Variants in KCNJ6 observed in about 807,000 individuals in gnomAD.
The protein encoded by KCNJ6 is G protein-activated inward rectifier potassium channel 2.
In KCNJ6, 9 loss-of-function variants were observed where a neutral mutation model predicts 34.2. The ratio of observed to expected loss-of-function variants is 0.26; its 90% CI spans 0.16 to 0.46. The LOEUF (loss-of-function observed/expected upper bound fraction) is 0.46. Ranked by LOEUF, KCNJ6 falls within the 20% of genes least tolerant of loss-of-function variation. The pLI is 1.00. For synonymous variants in KCNJ6, 196 were observed against 207.1 expected, an observed-to-expected ratio of 0.95 and a Z score of 0.46; for missense variants, 236 against 531.3, an observed-to-expected ratio of 0.44 and a Z score of 5.46.
Position 37,746,220 on chromosome 21 carries a change from G to GGGAAT in KCNJ6, c.26-31094_26-31090dup, listed in dbSNP as rs1471569519. ...GAACATAACTCAGTCCATAGCAGAT[G>GGGAAT]GGAATGGGGAGATGGTGGACTAACT... On this transcript the variant is annotated intron_variant, in intron 2 of 3. Transcript: ENST00000609713. Among the ~76,000 whole-genome samples, 7 of 152,206 alleles carry GGGAAT rather than the reference G, an allele frequency of 4.6e-5. No homozygotes were observed. The East Asian group carries it at 1.3e-3, about 29-fold the overall frequency.
At chr21:37,628,167 A>G (rs2123364407) in intron 3 of KCNJ6, among the ~76,000 whole-genome samples, 1 of 152,320 alleles carries the variant, frequency 6.6e-6, no homozygotes, top group African/African-American at 2.4e-5. Context: ...CATACACAGG[A>G]AGGCAAGCAG....
rs989352404 is a variant in KCNJ6, at chr21:37,613,121, G to A, written c.*12038C>T. ...AGAAAACAACCCGATTTAAAAAAAT[G>A]CCCAAAAGACCTGAACAGACACCTC... On this transcript the variant is annotated 3_prime_UTR_variant, in exon 4 of 4. Transcript: ENST00000609713. The A allele has an allele frequency of 6.6e-6, 1 of 150,872 alleles. No individual in the cohort carries two copies. The highest frequency in any genetic ancestry group is 2.4e-5 in the African/African-American group (1 of 41,014). 9.3% of individuals were successfully genotyped at this position (150,872 alleles called of 1,614,324 possible).
chr21:37,675,350 A>G lies in KCNJ6; in HGVS notation c.946+38861T>C, dbSNP rs576677640. On this transcript the variant is annotated intron_variant, in intron 3 of 3. Transcript: ENST00000609713. The surrounding 1 kb of genome is among the most constrained non-coding windows in gnomAD (Gnocchi z 4.2). ...CGGGGATTTTTCCGCGAGTGGCTGC[A>G]TTGGCTTTAAGAAACTGCGCCGGGC... Among the ~76,000 whole-genome samples the G allele has an allele frequency of 2.6e-5, 4 of 152,338 alleles. No individual in the cohort carries two copies. The highest frequency in any genetic ancestry group is 9.6e-5 in the African/African-American group (4 of 41,586).
At chr21:37,658,890 G>A (rs536858151) in intron 3 of KCNJ6, among the ~76,000 whole-genome samples, 2 of 152,202 alleles carry the variant, frequency 1.3e-5, no homozygotes, top group Non-Finnish European at 2.9e-5. Flanking sequence ...AACACATGAA[G>A]AGTCCATCTG....
chr21:37,714,373 C>T lies in KCNJ6; in HGVS notation c.784G>A (p.Val262Ile). ...CGGTCATCCCCCGTGTAATACCCTACGTTGATATCCGTCTGGTTCAACGGG... is the reference window on the plus strand; with the variant it reads ...CGGTCATCCCCCGTGTAATACCCTATGTTGATATCCGTCTGGTTCAACGGG... ...FIPLNQTDINVGYYTGDDRLF... is the reference protein window; with the variant it reads ...FIPLNQTDINIGYYTGDDRLF... Residue 262 changes from valine to isoleucine, a missense_variant, in exon 3 of 4, where the codon GTA becomes ATA. By Grantham distance (29) the Val-to-Ile change is conservative. Transcript: ENST00000609713. The surrounding 1 kb of genome is among the most constrained non-coding windows in gnomAD (Gnocchi z 5.9). 7 of 1,614,136 alleles carry T rather than the reference C, an allele frequency of 4.3e-6. No individual in the cohort carries two copies. Among genetic ancestry groups the T allele is most frequent in the Non-Finnish European group, 5.9e-6 (7 of 1,180,012 alleles).
rs144997498 is a variant in KCNJ6 at position 37,803,339 on chromosome 21, C to T, written c.25+37319G>A. ...AAGAATCTATGACCTCAAATCCACACAGCACAGCATCTGCGTGATCTTGAA... is the reference window on the plus strand; with the variant it reads ...AAGAATCTATGACCTCAAATCCACATAGCACAGCATCTGCGTGATCTTGAA... On this transcript the variant is annotated intron_variant, in intron 2 of 3. Coordinates refer to ENST00000609713, the MANE Select transcript of KCNJ6 (RefSeq NM_002240.5). Among the ~76,000 whole-genome samples the T allele has an allele frequency of 9.8e-5, 15 of 152,298 alleles. No homozygotes were observed. The East Asian group carries it at 2.9e-3, about 29-fold the overall frequency.
At chr21:37,706,854 T>C (rs1215390615) in intron 3 of KCNJ6, among the ~76,000 whole-genome samples, 1 of 152,248 alleles carries the variant, frequency 6.6e-6, no homozygotes, top group Non-Finnish European at 1.5e-5. Context: ...CATCAGCTGA[T>C]ACCTCAGAAT....
At chr21:37,750,039 TA>T (rs898748538) in intron 2 of KCNJ6, among the ~76,000 whole-genome samples, 78 of 151,504 alleles carry the variant, frequency 5.1e-4, no homozygotes, top group African/African-American at 1.8e-3. Flanking sequence ...TAAAGGCATT[TA>T]AAAAAAAATG....
intron 2 of KCNJ6, among the ~76,000 whole-genome samples, chr21:37,797,351 CT>C (rs2055248501): frequency 6.6e-6 from 1 of 152,160 alleles, no homozygotes; most frequent in African/African-American, 2.4e-5. Context: ...TGTGCCTGGC[CT>C]TTTGTGTCTT....
chr21:37,630,365 GT>G (rs1446478363), intron 3 of KCNJ6, among the ~76,000 whole-genome samples: 2 of 152,204 alleles, frequency 1.3e-5, no homozygotes, highest in East Asian at 3.9e-4. Context: ...TATTTGTCTT[GT>G]TTATTTCCAT....
At chr21:37,808,151 C>A (rs2835973) in intron 2 of KCNJ6, among the ~76,000 whole-genome samples, 3 of 152,020 alleles carry the variant, frequency 2.0e-5, no homozygotes, top group African/African-American at 7.3e-5. Flanking sequence ...CAGCAACCTG[C>A]TAGTGTGATA....
intron 2 of KCNJ6, among the ~76,000 whole-genome samples, chr21:37,751,761 T>A (rs1262706452): frequency 1.3e-5 from 2 of 152,174 alleles, no homozygotes; most frequent in Non-Finnish European, 2.9e-5. Flanking sequence ...GGGAGAATGA[T>A]GAACTCATCA....
At chr21:37,807,795 G>A (rs1008643668) in intron 2 of KCNJ6, among the ~76,000 whole-genome samples, 6 of 152,156 alleles carry the variant, frequency 3.9e-5, no homozygotes, top group Admixed American at 2.0e-4. Flanking sequence ...CCATTTCATG[G>A]CTTTGCTCCG....
chr21:37,750,178 G>A (rs574014825), intron 2 of KCNJ6, among the ~76,000 whole-genome samples: 1 of 152,286 alleles, frequency 6.6e-6, no homozygotes, highest in East Asian at 1.9e-4. Context: ...ACCACAATGA[G>A]ATATCATCTT....
chr21:37,767,039 T>C (rs957213490), intron 2 of KCNJ6, among the ~76,000 whole-genome samples: 25 of 152,272 alleles, frequency 1.6e-4, no homozygotes, highest in African/African-American at 5.8e-4. Flanking sequence ...GCCAAAACGC[T>C]TGGGGACTGC....
intron 2 of KCNJ6, among the ~76,000 whole-genome samples, chr21:37,771,661 G>A (rs538292185): frequency 3.3e-5 from 5 of 152,294 alleles, no homozygotes; most frequent in African/African-American, 9.6e-5. Flanking sequence ...CTAGATCCAA[G>A]GAGATGCGCC....
intron 3 of KCNJ6, among the ~76,000 whole-genome samples, chr21:37,709,353 A>G (rs2054737980): frequency 1.3e-5 from 2 of 151,814 alleles, no homozygotes; most frequent in East Asian, 1.9e-4. Flanking sequence ...CTCTACTAAA[A>G]TTACAAAATT....
At chr21:37,635,801 G>C (rs140759038) in intron 3 of KCNJ6, among the ~76,000 whole-genome samples, 2,651 of 152,308 alleles carry the variant, frequency 0.017, 71 homozygotes, top group African/African-American at 0.059. Flanking sequence ...ACAGGCATGC[G>C]CCACCACACC....
At chr21:37,850,896 G>A (rs1357691858) in intron 1 of KCNJ6, among the ~76,000 whole-genome samples, 5 of 152,160 alleles carry the variant, frequency 3.3e-5, no homozygotes, top group Non-Finnish European at 5.9e-5. Flanking sequence ...GGTTATGCAT[G>A]CTGCTGTGGG....
Sources: gnomAD v4.1 joint callset for allele counts (sites outside exome capture counted in the v4.1 genomes callset) on GRCh38, gnomAD v4.1.1 for gene constraint, Gnocchi (gnomAD v3.1) non-coding constraint, MANE v1.5 for transcripts, NCBI Gene and HGNC (gene_info 2026-07-23, HGNC 2026-07-21) for gene names.